Variants in CPNE8 observed in about 807,000 individuals in gnomAD.
CPNE8 encodes copine 8.
CPNE8 carries 45 observed loss-of-function variants against 81.5 expected under a neutral mutation model. The observed-to-expected ratio is 0.55, with a 90% confidence interval of 0.44 to 0.71. The LOEUF (loss-of-function observed/expected upper bound fraction) is 0.71, where lower values mean the gene tolerates loss of function less well. CPNE8 is among the 30% of genes least tolerant of loss of function. The pLI is 0.00. For missense variants in CPNE8, 594 were observed against 672.1 expected (o/e 0.88, Z 1.28); for synonymous variants, 252 against 226.3 (o/e 1.11, Z -1.02).
chr12:38,866,602 T>A (rs948677178), intron 3 of CPNE8, among the ~76,000 whole-genome samples: 1 of 152,160 alleles, frequency 6.6e-6, no homozygotes, highest in African/African-American at 2.4e-5. Context: ...TGTTTTCAAT[T>A]GATGCTATAA....
intron 1 of CPNE8, among the ~76,000 whole-genome samples, chr12:38,880,367 C>T (rs185942649): frequency 1.8e-4 from 28 of 152,268 alleles, no homozygotes; most frequent in Admixed American, 1.6e-3. Flanking sequence ...AAGTGGGGCC[C>T]GTTGAATGAA....
At chr12:38,903,668 A>T (rs114205504) in intron 1 of CPNE8, among the ~76,000 whole-genome samples, 8,135 of 152,264 alleles carry the variant, frequency 0.053, 694 homozygotes, top group African/African-American at 0.18. Flanking sequence ...TGAGCAGAGG[A>T]TAAGAACTCT....
chr12:38,683,565 T>G (rs1054260439), intron 16 of CPNE8, among the ~76,000 whole-genome samples: 1 of 152,120 alleles, frequency 6.6e-6, no homozygotes, highest in Non-Finnish European at 1.5e-5. Context: ...ACTTTTTGAA[T>G]GATAATTTTG....
chr12:38,775,373 CT>C (rs1941909428), intron 7 of CPNE8, among the ~76,000 whole-genome samples: 1 of 152,178 alleles, frequency 6.6e-6, no homozygotes. Context: ...CTATGGCTCT[CT>C]CTATAAAAAC....
chr12:38,664,741 A>T (rs1328194391), intron 19 of CPNE8, among the ~76,000 whole-genome samples: 1 of 152,174 alleles, frequency 6.6e-6, no homozygotes, highest in Non-Finnish European at 1.5e-5. Flanking sequence ...TCTTTAAAAC[A>T]TGTTTATAAA....
intron 19 of CPNE8, among the ~76,000 whole-genome samples, chr12:38,656,967 A>C (rs1938835370): frequency 6.6e-6 from 1 of 152,184 alleles, no homozygotes; most frequent in Non-Finnish European, 1.5e-5. Flanking sequence ...ACAGACACAG[A>C]AGATGGGTGA....
intron 6 of CPNE8, among the ~76,000 whole-genome samples, chr12:38,819,963 T>C (rs1943087607): frequency 6.6e-6 from 1 of 151,954 alleles, no homozygotes; most frequent in Non-Finnish European, 1.5e-5. Context: ...TTTTGAATCC[T>C]AGAATCATCA....
intron 13 of CPNE8, among the ~76,000 whole-genome samples, chr12:38,712,636 C>A (rs1940288334): frequency 1.3e-5 from 2 of 152,176 alleles, no homozygotes; most frequent in South Asian, 4.1e-4. Context: ...TGATATTGAT[C>A]TAGCCTCCAA....
chr12:38,723,787 T>G lies in CPNE8; in HGVS notation c.899A>C (p.Asp300Ala). 1 of 1,586,270 alleles carries G rather than the reference T, an allele frequency of 6.3e-7. No individual in the cohort carries two copies. Among genetic ancestry groups the G allele is most frequent in the Non-Finnish European group, 8.6e-7 (1 of 1,158,144 alleles). ...AATTACTTACCCTCCCTTAATGTAG[T>G]CAAGGAATGAAACTTCTGTTTCTAC... ...FLVETEVSFL[D>A]YIKGGTQINF... is the part of the protein sequence containing the mutation. Residue 300 changes from aspartate to alanine, a missense_variant, in exon 13 of 20, where the codon GAC becomes GCC. Coordinates refer to ENST00000331366, the MANE Select transcript of CPNE8 (RefSeq NM_153634.3).
At chr12:38,796,628 G>A (rs527366765) in intron 6 of CPNE8, among the ~76,000 whole-genome samples, 26 of 152,212 alleles carry the variant, frequency 1.7e-4, no homozygotes, top group Middle Eastern at 3.4e-3. Context: ...CGCAGAAGAC[G>A]GGGGATTTCT....
intron 11 of CPNE8, among the ~76,000 whole-genome samples, chr12:38,726,064 G>A (rs906613528): frequency 3.3e-5 from 5 of 151,968 alleles, no homozygotes; most frequent in African/African-American, 7.3e-5. Context: ...CCTTGCTTGC[G>A]GCTCACCTCA....
intron 8 of CPNE8, among the ~76,000 whole-genome samples, chr12:38,764,037 G>C (rs1592069027): frequency 6.6e-6 from 1 of 152,078 alleles, no homozygotes; most frequent in Non-Finnish European, 1.5e-5. Flanking sequence ...CTCCTTCCAG[G>C]CAGTATCCTC....
At chr12:38,707,916 A>G (rs1343417610) in intron 13 of CPNE8, among the ~76,000 whole-genome samples, 3 of 152,246 alleles carry the variant, frequency 2.0e-5, no homozygotes, top group Non-Finnish European at 4.4e-5. Flanking sequence ...ACTGTGCTAT[A>G]GGATGAAGAG....
At position 38,848,544 on chromosome 12, in the gene CPNE8, T is replaced by C; in HGVS notation, c.290+15A>G. On this transcript the variant is annotated intron_variant, in intron 4 of 19. Transcript: ENST00000331366. ...AAATCAAATTTTTCTAAACGCAAGT[T>C]TTAGTAGAACTTACAAGTCAAAACG... 6.4e-7 allele frequency: 1 copy of C among 1,559,662 alleles called. No homozygotes were observed. Among genetic ancestry groups the C allele is most frequent in the South Asian group, 1.2e-5 (1 of 82,278 alleles).
intron 1 of CPNE8, among the ~76,000 whole-genome samples, chr12:38,899,862 T>C (rs7309617): frequency 0.071 from 10,869 of 152,112 alleles, 1,022 homozygotes; most frequent in African/African-American, 0.21. Flanking sequence ...TATGGCTTAT[T>C]TCAAGCTGCC....
intron 6 of CPNE8, among the ~76,000 whole-genome samples, chr12:38,786,903 A>T (rs1942202754): frequency 6.6e-6 from 1 of 152,140 alleles, no homozygotes; most frequent in Non-Finnish European, 1.5e-5. Flanking sequence ...GGAGACTGGA[A>T]CACCCAATTT....
chr12:38,768,359 A>C (rs1941732476), intron 7 of CPNE8, among the ~76,000 whole-genome samples: 1 of 152,150 alleles, frequency 6.6e-6, no homozygotes, highest in African/African-American at 2.4e-5. Context: ...GATCATTTAA[A>C]CCAATTTATG....
At chr12:38,799,486 C>T (rs1488718057) in intron 6 of CPNE8, among the ~76,000 whole-genome samples, 1 of 152,140 alleles carries the variant, frequency 6.6e-6, no homozygotes, top group Non-Finnish European at 1.5e-5. Context: ...AAAAGATATT[C>T]TTTTAAACCA....
intron 18 of CPNE8, among the ~76,000 whole-genome samples, chr12:38,674,935 C>T (rs1939254946): frequency 6.6e-6 from 1 of 152,152 alleles, no homozygotes; most frequent in African/African-American, 2.4e-5. Flanking sequence ...AATAAGCTGC[C>T]ATTGTTAATA....
Sources: allele counts gnomAD v4.1 joint callset (sites outside exome capture counted in the v4.1 genomes callset), GRCh38; gene constraint gnomAD v4.1.1; transcripts MANE v1.5; gene names NCBI Gene and HGNC (gene_info 2026-07-23, HGNC 2026-07-21).